Variants in LAT observed in about 807,000 individuals in gnomAD.
LAT encodes the protein linker for activation of T cells.
A neutral mutation model predicts 39.1 loss-of-function variants in LAT; 12 were observed. The observed-to-expected ratio is 0.31, with a 90% CI of 0.20 to 0.50. LAT has a LOEUF of 0.50. Ranked by LOEUF, LAT falls within the 20% of genes least tolerant of loss-of-function variation. The probability of loss-of-function intolerance (pLI) is 0.98; values close to 1 mark genes in which losing one functional copy is unlikely to be tolerated. For synonymous variants in LAT, 117 were observed against 123.8 expected (o/e 0.95, Z 0.36); for missense variants, 253 against 308.0 (o/e 0.82, Z 1.34).
At chr16:28,988,385 G>T (rs948235319) in intron 8 of LAT, 3 of 152,426 alleles carry the variant, frequency 2.0e-5, no homozygotes, top group African/African-American at 7.2e-5. Flanking sequence ...TTGAACCGGG[G>T]CGGTCTTCAA....
In LAT at chr16:28,985,315, CT is replaced by C; in HGVS notation, c.-102del. 6.5e-7 allele frequency: 1 copy of C among 1,542,896 alleles called. No individual in the cohort carries two copies. Among genetic ancestry groups the C allele is most frequent in the Non-Finnish European group, 8.7e-7 (1 of 1,143,366 alleles). ...CTGCCACCTGGTGCCTACCTGCCCC[CT>C]GCTCCCTGCCGGGTCCGGTCCTCAC... On this transcript the variant is annotated 5_prime_UTR_variant, in exon 1 of 12. Transcript: ENST00000395456. The surrounding 1 kb of genome is among the most constrained non-coding windows in gnomAD (Gnocchi z 4.6).
At chr16:28,989,699 T>C in intron 9 of LAT, 75 bp from the exon 10 acceptor site, 2 of 1,590,552 alleles carry the variant, frequency 1.3e-6, no homozygotes, top group Non-Finnish European at 8.6e-7. Flanking sequence ...GCCCCCTCTG[T>C]CTGGGCGTCC....
intron 9 of LAT, 29 bp downstream of exon 9, chr16:28,989,618 C>T: frequency 1.9e-6 from 3 of 1,596,148 alleles, no homozygotes; most frequent in Non-Finnish European, 1.7e-6. Flanking sequence ...TCGGTGCCTG[C>T]CCCTGCACCC....
chr16:28,985,560 C>A lies in LAT; in HGVS notation c.100+43C>A, dbSNP rs537565741. ...GGGGGTACCCAGGGCCCAGGGACAC[C>A]GACGGGATCCTCATCCACTCCCAGC... On this transcript the variant is annotated intron_variant, in intron 1 of 11. Transcript: ENST00000395456. The surrounding 1 kb of genome is among the most constrained non-coding windows in gnomAD (Gnocchi z 4.6). 1.9e-5 allele frequency: 31 copies of A among 1,605,240 alleles called. No homozygotes were observed. Among genetic ancestry groups the A allele is most frequent in the East Asian group, 1.6e-4 (7 of 44,782 alleles).
upstream of LAT, chr16:28,984,902 T>C: frequency 1.3e-6 from 2 of 1,547,874 alleles, no homozygotes; most frequent in Non-Finnish European, 1.7e-6. Context: ...GCTGTCCCCG[T>C]CTTGGGGGGG....
chr16:28,989,002 C>A (rs536430907), intron 8 of LAT: 55 of 152,922 alleles, frequency 3.6e-4, no homozygotes, highest in Non-Finnish European at 6.6e-4. Flanking sequence ...GACCCTGTCT[C>A]AAGAAAAACA....
rs1965740403 is a variant in LAT at position 28,986,031 on chromosome 16, C to A, written c.164-104C>A. 7.3e-7 allele frequency: 1 copy of A among 1,376,594 alleles called. No homozygotes were observed. The highest frequency in any genetic ancestry group is 1.0e-6 in the Non-Finnish European group (1 of 969,466). 85.3% of individuals were successfully genotyped at this position (1,376,594 alleles called of 1,614,324 possible). ...CTGAGCTGGGAGAGGGGAGATGGCT[C>A]CCCCAGGCCTGTCCAGGGTGTGGGG... On this transcript the variant is annotated intron_variant, in intron 3 of 11. Transcript: ENST00000395456. This position sits in a 1 kb window ranked among gnomAD's most constrained non-coding sequence, Gnocchi z 5.7.
At position 28,990,212 on chromosome 16, in the gene LAT, C is replaced by A; in HGVS notation, c.*31C>A. 1 of 706,570 alleles carries A rather than the reference C, an allele frequency of 1.4e-6. No homozygotes were observed. The highest frequency in any genetic ancestry group is 2.6e-6 in the Non-Finnish European group (1 of 390,384). 43.8% of individuals were successfully genotyped at this position (706,570 alleles called of 1,614,324 possible). A position where few individuals can be genotyped will look rare whatever the true frequency, so the allele number is the denominator to read the frequency against. On this transcript the variant is annotated 3_prime_UTR_variant, in exon 12 of 12. Coordinates refer to ENST00000395456, the MANE Select transcript of LAT (RefSeq NM_001014987.2). ...AGTGGAGGCCGAGTCTGTCCTGGAA[C>A]CAGGCTTGCCTGGGACGGCTGAGCT...
At position 28,985,070 on chromosome 16, in the gene LAT, C is replaced by T. The variant is rs1052417097; in HGVS notation, c.-348C>T. The T allele has an allele frequency of 9.1e-6, 13 of 1,421,642 alleles. No individual in the cohort carries two copies. The highest frequency in any genetic ancestry group is 7.3e-5 in the African/African-American group (5 of 68,952). The allele number at this position is 1,421,642 out of a possible 1,614,324, so 88.1% of individuals were successfully genotyped here. A position where few individuals can be genotyped will look rare whatever the true frequency, so the allele number is the denominator to read the frequency against. On this transcript the variant is annotated 5_prime_UTR_variant, in exon 1 of 12. Transcript: ENST00000395456. The surrounding 1 kb of genome is among the most constrained non-coding windows in gnomAD (Gnocchi z 4.6). ...GCTCACCACAGCTTCCTGCCGCAGGCGGGCGGGAGGGCGGGCACGGAGAGG... is the reference window on the plus strand; with the variant it reads ...GCTCACCACAGCTTCCTGCCGCAGGTGGGCGGGAGGGCGGGCACGGAGAGG...
rs1965749760 is a variant in LAT, at chr16:28,986,302, T to C, written c.246-80T>C. The stretch of plus-strand genomic sequence containing the variant: ...TCTCTACCCCTTCACTTTTTTGGAT[T>C]GGGGGCCCCTTTCCCTTTTGCAACT... On this transcript the variant is annotated intron_variant, in intron 4 of 11. Coordinates refer to ENST00000395456, the MANE Select transcript of LAT (RefSeq NM_001014987.2). This position sits in a 1 kb window ranked among gnomAD's most constrained non-coding sequence, Gnocchi z 5.7. 1.3e-6 allele frequency: 2 copies of C among 1,578,228 alleles called. No individual in the cohort carries two copies. The highest frequency in any genetic ancestry group is 1.7e-6 in the Non-Finnish European group (2 of 1,152,056).
rs201900870 is a variant in LAT at position 28,985,807 on chromosome 16, A to G, written c.129-47A>G. 1.1e-4 allele frequency: 172 copies of G among 1,613,776 alleles called. No individual in the cohort carries two copies. In the African/African-American group the frequency reaches 1.3e-3, roughly 12 times the overall value. ...ATGGCGGGGCAGGGCTGGGGCTTCCATCCTCCATCTTCCAGCCCCATCCCC... is the reference window on the plus strand; with the variant it reads ...ATGGCGGGGCAGGGCTGGGGCTTCCGTCCTCCATCTTCCAGCCCCATCCCC... On this transcript the variant is annotated intron_variant, in intron 2 of 11. Transcript: ENST00000395456. The surrounding 1 kb of genome is among the most constrained non-coding windows in gnomAD (Gnocchi z 4.6).
chr16:28,984,905 T>TG (rs749637413), upstream of LAT: 85 of 1,544,818 alleles, frequency 5.5e-5, no homozygotes, highest in African/African-American at 1.2e-4. Context: ...GTCCCCGTCT[T>TG]GGGGGGGGCC....
At chr16:28,990,105 C>G (rs1459253792) in intron 11 of LAT, 84 bp from the exon 12 acceptor site, 16 of 1,121,456 alleles carry the variant, frequency 1.4e-5, no homozygotes, top group Non-Finnish European at 2.1e-5. Flanking sequence ...AACCCTACCT[C>G]TGGCTTGTCC....
At position 28,985,435 on chromosome 16, in the gene LAT, G is replaced by T; in HGVS notation, c.18G>T (p.Leu6=). ...CCCTGCAGATGGAGGAGGCCATCCT[G>T]GTCCCCTGCGTGCTGGGGCTCCTGC... The part of the protein sequence containing the change: MEEAI[L]VPCVLGLLLL... The change falls in exon 1 of 12, where the codon CTG becomes CTT. Residue 6 remains leucine (L), a synonymous_variant. Coordinates refer to ENST00000395456, the MANE Select transcript of LAT (RefSeq NM_001014987.2). This position sits in a 1 kb window ranked among gnomAD's most constrained non-coding sequence, Gnocchi z 4.6. 1 of 1,613,742 alleles carries T rather than the reference G, an allele frequency of 6.2e-7. No homozygotes were observed. The highest frequency in any genetic ancestry group is 2.2e-5 in the East Asian group (1 of 44,878).
chr16:28,986,290 A>G lies in LAT; in HGVS notation c.245+74A>G. On this transcript the variant is annotated intron_variant, in intron 4 of 11. Coordinates refer to ENST00000395456, the MANE Select transcript of LAT (RefSeq NM_001014987.2). The surrounding 1 kb of genome is among the most constrained non-coding windows in gnomAD (Gnocchi z 5.7). The stretch of plus-strand genomic sequence containing the variant: ...TCCAAACTCCACTCTCTACCCCTTC[A>G]CTTTTTTGGATTGGGGGCCCCTTTC... The G allele has an allele frequency of 1.3e-6, 2 of 1,554,370 alleles. No individual in the cohort carries two copies. The highest frequency in any genetic ancestry group is 1.7e-4 in the Middle Eastern group (1 of 5,870).
chr16:28,985,379 C>G lies in LAT; in HGVS notation c.-39C>G. On this transcript the variant is annotated 5_prime_UTR_variant, in exon 1 of 12. Coordinates refer to ENST00000395456, the MANE Select transcript of LAT (RefSeq NM_001014987.2). This position sits in a 1 kb window ranked among gnomAD's most constrained non-coding sequence, Gnocchi z 4.6. ...TGGCCTTGACTCTGCCCTTGAGGGG[C>G]CTAGGGGTGCAGCCAGCCTGCTCCG... The G allele has an allele frequency of 1.2e-6, 2 of 1,611,600 alleles. No individual in the cohort carries two copies. Among genetic ancestry groups the G allele is most frequent in the Non-Finnish European group, 1.7e-6 (2 of 1,179,430 alleles).
chr16:28,989,127 G>A (rs568720458), intron 8 of LAT: 5 of 176,740 alleles, frequency 2.8e-5, no homozygotes, highest in Non-Finnish European at 5.9e-5. Context: ...TGGGGGTCGG[G>A]GGGAGGAGGT....
chr16:28,989,682 A>G (rs1965830350), intron 9 of LAT, 92 bp from the exon 10 acceptor site: 4 of 1,584,916 alleles, frequency 2.5e-6, no homozygotes, highest in Non-Finnish European at 2.6e-6. Context: ...GGCTACCCAC[A>G]CCCTCTGCCC....
In LAT at chr16:28,986,972, C is replaced by A. The variant is rs1471595668; in HGVS notation, c.493+79C>A. On this transcript the variant is annotated intron_variant, in intron 8 of 11. Coordinates refer to ENST00000395456, the MANE Select transcript of LAT (RefSeq NM_001014987.2). The surrounding 1 kb of genome is among the most constrained non-coding windows in gnomAD (Gnocchi z 5.7). ...GCAGTGGTGCCATTGTAGCTCGCTG[C>A]AGCCTTGAACTCCTGGGCTCCAGTG... 7.6e-6 allele frequency: 9 copies of A among 1,176,824 alleles called. No homozygotes were observed. In the East Asian group the frequency reaches 2.3e-4, roughly 30 times the overall value. The allele number at this position is 1,176,824 out of a possible 1,614,324, so 72.9% of individuals were successfully genotyped here.
Sources: allele counts gnomAD v4.1 joint callset, GRCh38; gene constraint gnomAD v4.1.1; non-coding constraint Gnocchi (gnomAD v3.1); transcripts MANE v1.5; gene names NCBI Gene and HGNC (gene_info 2026-07-23, HGNC 2026-07-21).